Variants in CADPS2 observed in about 807,000 individuals in gnomAD.
The protein encoded by CADPS2 is calcium-dependent secretion activator 2.
In CADPS2, 93 loss-of-function variants were observed where a neutral mutation model predicts 172.5. The ratio of observed to expected loss-of-function variants is 0.54; its 90% CI spans 0.46 to 0.64. The LOEUF is 0.64. Among genes scored for constraint, CADPS2 ranks in the 30% least tolerant of loss-of-function variants. The probability of loss-of-function intolerance (pLI) is 0.00; values close to 1 mark genes in which losing one functional copy is unlikely to be tolerated. For missense variants in CADPS2, 1,420 were observed against 1,565.9 expected (o/e 0.91, Z 1.57); for synonymous variants, 546 against 555.2 (o/e 0.98, Z 0.23).
intron 29 of CADPS2, among the ~76,000 whole-genome samples, chr7:122,323,872 TTTA>T (rs2033165564): frequency 1.5e-5 from 1 of 66,816 alleles, no homozygotes; most frequent in African/African-American, 5.1e-5. Flanking sequence ...ATATGTATAT[TTTA>T]TATATATATA....
At chr7:122,744,121 C>T (rs2092617372) in intron 1 of CADPS2, among the ~76,000 whole-genome samples, 1 of 152,206 alleles carries the variant, frequency 6.6e-6, no homozygotes, top group Admixed American at 6.5e-5. Context: ...TGCCTGACTT[C>T]CAGGAAACTG....
Position 122,709,366 on chromosome 7 carries a change from T to C in CADPS2, c.453+27589A>G, listed in dbSNP as rs540562319. On this transcript the variant is annotated intron_variant, in intron 2 of 29. Coordinates refer to ENST00000449022, the MANE Select transcript of CADPS2 (RefSeq NM_017954.11). Reference sequence around the variant, plus strand: ...TCAAAACCACAATGAGATACCATCTTACACCAGTTAGAATGGCAATCATTA... The same window carrying C: ...TCAAAACCACAATGAGATACCATCTCACACCAGTTAGAATGGCAATCATTA... Among the ~76,000 whole-genome samples, 1,366 of 152,022 alleles carry C rather than the reference T, an allele frequency of 9.0e-3. 19 individuals carry two copies. Among genetic ancestry groups the C allele is most frequent in the African/African-American group, 0.031 (1,299 of 41,420 alleles).
At chr7:122,409,851 G>A (rs1029595536) in intron 19 of CADPS2, among the ~76,000 whole-genome samples, 5 of 152,136 alleles carry the variant, frequency 3.3e-5, no homozygotes, top group African/African-American at 1.2e-4. Flanking sequence ...CTCCACCAGG[G>A]AGGAGAAAAC....
At chr7:122,716,496 C>A (rs940204651) in intron 2 of CADPS2, among the ~76,000 whole-genome samples, 1 of 151,976 alleles carries the variant, frequency 6.6e-6, no homozygotes, top group African/African-American at 2.4e-5. Context: ...AAGCTCCACA[C>A]AGAAAGGAAC....
intron 2 of CADPS2, among the ~76,000 whole-genome samples, chr7:122,672,848 G>T (rs952777029): frequency 4.3e-4 from 65 of 152,308 alleles, no homozygotes; most frequent in African/African-American, 1.5e-3. Flanking sequence ...CGGAATTGGT[G>T]GGTTCTTTGT....
intron 12 of CADPS2, among the ~76,000 whole-genome samples, chr7:122,477,542 C>T (rs1043571851): frequency 6.9e-6 from 1 of 143,960 alleles, no homozygotes; most frequent in African/African-American, 2.6e-5. Context: ...CCCGACCCCA[C>T]CAAAAAAAAA....
At position 122,645,282 on chromosome 7, in the gene CADPS2, CAT is replaced by C. The variant is rs1481174919; in HGVS notation, c.787-15956_787-15955del. On this transcript the variant is annotated intron_variant, in intron 3 of 29. Coordinates refer to ENST00000449022, the MANE Select transcript of CADPS2 (RefSeq NM_017954.11). Reference sequence around the variant, plus strand: ...GTGTATACATGTACATATATACACACATATGTACATATATACACATATGTACA... The same window carrying C: ...GTGTATACATGTACATATATACACACATGTACATATATACACATATGTACA... Among the ~76,000 whole-genome samples, 190 of 138,780 alleles carry C rather than the reference CAT, an allele frequency of 1.4e-3. 1 individual carries two copies. The highest frequency in any genetic ancestry group is 4.7e-3 in the African/African-American group (179 of 38,324). The allele number at this position is 138,780 out of a possible 152,430, so 91.0% of individuals were successfully genotyped here. A position where few individuals can be genotyped will look rare whatever the true frequency, so the allele number is the denominator to read the frequency against.
chr7:122,703,047 T>C (rs1478050837), intron 2 of CADPS2: 2 of 294,544 alleles, frequency 6.8e-6, no homozygotes, highest in East Asian at 1.3e-4. Context: ...CAAGAGTTTA[T>C]ATTAGTGCAT....
intron 1 of CADPS2, among the ~76,000 whole-genome samples, chr7:122,823,652 A>G (rs1377992518): frequency 3.1e-4 from 47 of 152,228 alleles, no homozygotes; most frequent in Admixed American, 3.1e-3. Context: ...ATAATTAACT[A>G]TGAATGGAGA....
intron 6 of CADPS2, among the ~76,000 whole-genome samples, chr7:122,583,919 G>C (rs2069248043): frequency 6.6e-6 from 1 of 151,112 alleles, no homozygotes; most frequent in East Asian, 2.0e-4. Flanking sequence ...ATCCAGAAAT[G>C]AGTGCTCTAG....
intron 7 of CADPS2, among the ~76,000 whole-genome samples, chr7:122,559,108 T>C (rs1009668177): frequency 1.1e-4 from 17 of 152,134 alleles, no homozygotes; most frequent in Non-Finnish European, 1.5e-5. Flanking sequence ...GATGAGTGCA[T>C]TCAGCAATTC....
Position 122,709,656 on chromosome 7 carries a change from C to T in CADPS2, c.453+27299G>A, listed in dbSNP as rs866929354. Among the ~76,000 whole-genome samples the T allele has an allele frequency of 2.6e-5, 4 of 151,910 alleles. No homozygotes were observed. The South Asian group carries it at 8.4e-4, about 32-fold the overall frequency. Reference sequence around the variant, plus strand: ...ACAATAGCAAAGACTTGGAACCAACCCAAATGTCCAACAATGATAGACTGG... The same window carrying T: ...ACAATAGCAAAGACTTGGAACCAACTCAAATGTCCAACAATGATAGACTGG... On this transcript the variant is annotated intron_variant, in intron 2 of 29. Coordinates refer to ENST00000449022, the MANE Select transcript of CADPS2 (RefSeq NM_017954.11).
chr7:122,872,856 T>C (rs1820137815), intron 1 of CADPS2, among the ~76,000 whole-genome samples: 2 of 152,114 alleles, frequency 1.3e-5, no homozygotes. Context: ...AAGTTAAAAC[T>C]GTAATCCAAT....
intron 1 of CADPS2, among the ~76,000 whole-genome samples, chr7:122,760,951 T>A (rs1185681835): frequency 6.6e-6 from 1 of 152,004 alleles, no homozygotes; most frequent in Non-Finnish European, 1.5e-5. Flanking sequence ...ACCCTAAAAC[T>A]TAAAGTATGA....
chr7:122,546,220 C>A (rs1053395720), intron 8 of CADPS2, among the ~76,000 whole-genome samples: 1 of 152,138 alleles, frequency 6.6e-6, no homozygotes, highest in African/African-American at 2.4e-5. Flanking sequence ...ATTGTATAAT[C>A]TTCCCCAGTA....
In CADPS2 at chr7:122,387,014, C is replaced by T. The variant is rs1159291445; in HGVS notation, c.3312+12G>A. On this transcript the variant is annotated intron_variant, in intron 24 of 29. Coordinates refer to ENST00000449022, the MANE Select transcript of CADPS2 (RefSeq NM_017954.11). Reference sequence around the variant, plus strand: ...CTGTGCTGCCTTTCCCCATGTGGCACATTCTACATACCTCTTGTCCTCCAT... The same window carrying T: ...CTGTGCTGCCTTTCCCCATGTGGCATATTCTACATACCTCTTGTCCTCCAT... 6.4e-7 allele frequency: 1 copy of T among 1,552,938 alleles called. No homozygotes were observed. The highest frequency in any genetic ancestry group is 1.4e-5 in the African/African-American group (1 of 73,310).
At chr7:122,722,138 G>A (rs1349268769) in intron 2 of CADPS2, among the ~76,000 whole-genome samples, 2 of 152,042 alleles carry the variant, frequency 1.3e-5, no homozygotes, top group African/African-American at 4.8e-5. Context: ...GCACAACACA[G>A]GGATGCCCTC....
chr7:122,746,581 T>C (rs1231590091), intron 1 of CADPS2, among the ~76,000 whole-genome samples: 1 of 152,032 alleles, frequency 6.6e-6, no homozygotes, highest in Non-Finnish European at 1.5e-5. Context: ...TTGGGCCACA[T>C]GTAAAACACA....
At chr7:122,541,772 C>T (rs117231375) in intron 8 of CADPS2, among the ~76,000 whole-genome samples, 29,423 of 137,298 alleles carry the variant, frequency 0.21, 3,834 homozygotes, top group Middle Eastern at 0.31. Context: ...TTTATATATT[C>T]ACATATATTC....
Sources: allele counts gnomAD v4.1 joint callset (sites outside exome capture counted in the v4.1 genomes callset), GRCh38; gene constraint gnomAD v4.1.1; transcripts MANE v1.5; gene names NCBI Gene and HGNC (gene_info 2026-07-23, HGNC 2026-07-21).